The following PDE4D variants were observed in gnomAD, a reference collection of about 807,000 sequenced individuals.
The protein encoded by PDE4D is 3',5'-cyclic-AMP phosphodiesterase 4D.
A neutral mutation model predicts 87.4 loss-of-function variants in PDE4D; 24 were observed. The observed-to-expected ratio is 0.27, with a 90% CI of 0.20 to 0.39. The LOEUF is 0.39. PDE4D is among the 10% of genes least tolerant of loss of function. The probability of loss-of-function intolerance (pLI) is 1.00; values close to 1 mark genes in which losing one functional copy is unlikely to be tolerated. For synonymous variants in PDE4D, 384 were observed against 383.2 expected (o/e 1.00, Z -0.02); for missense variants, 714 against 1,041.0 (o/e 0.69, Z 4.32).
chr5:60,197,081 A>ATAGATAGATAGACAGACAGT (rs1741345844), intron 1 of PDE4D, among the ~76,000 whole-genome samples: 4 of 126,900 alleles, frequency 3.2e-5, no homozygotes, highest in African/African-American at 6.5e-5. Context: ...AGACAGTTAG[A>ATAGATAGATAGACAGACAGT]TAGATAGATA....
At chr5:60,492,737 T>C (rs150802143), upstream of PDE4D, among the ~76,000 whole-genome samples, 17 of 152,154 alleles carry the variant, frequency 1.1e-4, no homozygotes, top group Non-Finnish European at 2.1e-4. Flanking sequence ...CACGAGGGCC[T>C]GTCAGTGGGT....
At position 59,248,090 on chromosome 5, in the gene PDE4D, G is replaced by A. The variant is rs147305347; in HGVS notation, c.456-32122C>T. Among the ~76,000 whole-genome samples, 27 of 136,484 alleles carry A rather than the reference G, an allele frequency of 2.0e-4. No individual in the cohort carries two copies. In the East Asian group the frequency reaches 4.5e-3, roughly 23 times the overall value. 89.5% of individuals were successfully genotyped at this position (136,484 alleles called of 152,430 possible). A position where few individuals can be genotyped will look rare whatever the true frequency, so the allele number is the denominator to read the frequency against. Reference sequence around the variant, plus strand: ...AAAAAAGTGCAAGCACCTCCATTACGTATATTTATTTTCAATAAGTTATGT... The same window carrying A: ...AAAAAAGTGCAAGCACCTCCATTACATATATTTATTTTCAATAAGTTATGT... On this transcript the variant is annotated intron_variant, in intron 1 of 14. Coordinates refer to ENST00000340635, the MANE Select transcript of PDE4D (RefSeq NM_001104631.2).
intron 5 of PDE4D, chr5:59,090,968 TC>T (rs1768622883): frequency 6.4e-6 from 2 of 314,106 alleles, no homozygotes; most frequent in Non-Finnish European, 1.2e-5. Context: ...GGCCTTTGGC[TC>T]CCTAAAGGGT....
At chr5:59,358,774 G>T (rs779186011) in intron 1 of PDE4D, among the ~76,000 whole-genome samples, 11 of 152,070 alleles carry the variant, frequency 7.2e-5, no homozygotes, top group Non-Finnish European at 5.9e-5. Context: ...CAGAAGAGTA[G>T]AAGGGATGTT....
intron 3 of PDE4D, among the ~76,000 whole-genome samples, chr5:59,186,669 C>T (rs1742990046): frequency 6.6e-6 from 1 of 152,122 alleles, no homozygotes; most frequent in African/African-American, 2.4e-5. Flanking sequence ...CAATGGAGAG[C>T]TGTGTACGCC....
At chr5:60,298,153 A>T (rs1316128177) in intron 1 of PDE4D, among the ~76,000 whole-genome samples, 1 of 150,922 alleles carries the variant, frequency 6.6e-6, no homozygotes, top group Non-Finnish European at 1.5e-5. Context: ...AGAAAAATAA[A>T]AAAAAAAAAG....
intron 1 of PDE4D, among the ~76,000 whole-genome samples, chr5:59,683,170 C>T (rs1168959030): frequency 6.6e-6 from 1 of 152,098 alleles, no homozygotes; most frequent in Non-Finnish European, 1.5e-5. Flanking sequence ...ATCATGTCTG[C>T]AACTTGCTCT....
intron 1 of PDE4D, among the ~76,000 whole-genome samples, chr5:59,414,009 A>C (rs1470511920): frequency 1.3e-5 from 2 of 152,228 alleles, no homozygotes; most frequent in East Asian, 3.8e-4. Context: ...AGACACTTGC[A>C]GTCTAGTTTA....
chr5:59,749,001 A>C (rs189581255), intron 1 of PDE4D, among the ~76,000 whole-genome samples: 14 of 152,300 alleles, frequency 9.2e-5, no homozygotes, highest in Middle Eastern at 3.4e-3. Context: ...TCTTCTAGGA[A>C]CTTTAGTCAG....
At chr5:59,118,994 TAAGAA>T (rs1486598003) in intron 5 of PDE4D, among the ~76,000 whole-genome samples, 1 of 152,082 alleles carries the variant, frequency 6.6e-6, no homozygotes, top group Non-Finnish European at 1.5e-5. Flanking sequence ...AAACTGTTTT[TAAGAA>T]AAGATATAAA....
chr5:59,306,594 A>G (rs928601344), intron 1 of PDE4D, among the ~76,000 whole-genome samples: 3 of 152,162 alleles, frequency 2.0e-5, no homozygotes, highest in Non-Finnish European at 2.9e-5. Flanking sequence ...AATCATCAGT[A>G]AACTCCCATT....
At chr5:59,514,705 C>T (rs1322398653) in intron 1 of PDE4D, among the ~76,000 whole-genome samples, 1 of 152,186 alleles carries the variant, frequency 6.6e-6, no homozygotes, top group Non-Finnish European at 1.5e-5. Context: ...TTATCACTTA[C>T]TAGCTATGTG....
chr5:60,477,998 T>C (rs1015890868), intron 1 of PDE4D, among the ~76,000 whole-genome samples: 1 of 152,224 alleles, frequency 6.6e-6, no homozygotes, highest in Non-Finnish European at 1.5e-5. Flanking sequence ...TAATCATTTA[T>C]CCATTTAATC....
intron 1 of PDE4D, among the ~76,000 whole-genome samples, chr5:59,688,181 T>A (rs888894259): frequency 4.6e-5 from 7 of 151,936 alleles, no homozygotes; most frequent in Non-Finnish European, 1.0e-4. Context: ...GTTAACAAGG[T>A]TATCCAGGAA....
At chr5:60,505,909 G>T (rs1236197352) in intron 1 of PDE4D, among the ~76,000 whole-genome samples, 1 of 152,186 alleles carries the variant, frequency 6.6e-6, no homozygotes, top group African/African-American at 2.4e-5. Flanking sequence ...CTTTTGGAGA[G>T]ATTAAAAGTT....
Position 59,289,625 on chromosome 5 carries a change from G to A in PDE4D, c.456-73657C>T, listed in dbSNP as rs531172546. Reference sequence around the variant, plus strand: ...TGAAGACTCTTCTTCCAAGAGGTGGGACAAGATAAGGATGCCCACTTTCAC... The same window carrying A: ...TGAAGACTCTTCTTCCAAGAGGTGGAACAAGATAAGGATGCCCACTTTCAC... On this transcript the variant is annotated intron_variant, in intron 1 of 14. Coordinates refer to ENST00000340635, the MANE Select transcript of PDE4D (RefSeq NM_001104631.2). 4.6e-5 allele frequency among the ~76,000 whole-genome samples: 7 copies of A among 152,058 alleles called. No individual in the cohort carries two copies. The East Asian group carries it at 5.8e-4, about 13-fold the overall frequency.
intron 2 of PDE4D, among the ~76,000 whole-genome samples, chr5:60,123,398 A>G (rs1038479050): frequency 6.6e-6 from 1 of 152,234 alleles, no homozygotes; most frequent in African/African-American, 2.4e-5. Flanking sequence ...CCTCACAATT[A>G]TGGCAGGAGG....
chr5:59,060,554 CA>C (rs1182196172), intron 5 of PDE4D, among the ~76,000 whole-genome samples: 1 of 151,974 alleles, frequency 6.6e-6, no homozygotes, highest in Non-Finnish European at 1.5e-5. Context: ...ATTTTACGTT[CA>C]GGGGTATATG....
chr5:60,359,080 A>C (rs1178794425), intron 1 of PDE4D, among the ~76,000 whole-genome samples: 1 of 152,198 alleles, frequency 6.6e-6, no homozygotes, highest in Non-Finnish European at 1.5e-5. Context: ...GTAAGAATAT[A>C]TGTGGTCTTC....
Sources: gnomAD v4.1 joint callset for allele counts (sites outside exome capture counted in the v4.1 genomes callset) on GRCh38, gnomAD v4.1.1 for gene constraint, MANE v1.5 for transcripts, NCBI Gene and HGNC (gene_info 2026-07-23, HGNC 2026-07-21) for gene names.